Variants in BBS4 observed in about 807,000 individuals in gnomAD.
BBS4 encodes the protein Bardet-Biedl syndrome 4.
In BBS4, 58 loss-of-function variants were observed where a neutral mutation model predicts 71.4. That is an observed-to-expected ratio of 0.81 (90% CI 0.66 to 1.01). The LOEUF is 1.01. Ranked by LOEUF, BBS4 falls within the 50% of genes least tolerant of loss-of-function variation. BBS4 has a pLI of 0.00. For missense variants in BBS4, 660 were observed against 607.9 expected, an observed-to-expected ratio of 1.09 and a Z score of -0.90; for synonymous variants, 228 against 216.8, an observed-to-expected ratio of 1.05 and a Z score of -0.46.
chr15:72,697,488 A>G (rs1017958531), intron 2 of BBS4, among the ~76,000 whole-genome samples: 1 of 152,194 alleles, frequency 6.6e-6, no homozygotes, highest in Non-Finnish European at 1.5e-5. Context: ...TACCTGGTAG[A>G]TGACAGTAGC....
At chr15:72,729,538 C>T in intron 9 of BBS4, 78 bp from the exon 10 acceptor site, 1 of 1,381,392 alleles carries the variant, frequency 7.2e-7, no homozygotes, top group Middle Eastern at 1.8e-4. Flanking sequence ...GCATTAGCCA[C>T]CACGCCTGGT....
At position 72,686,233 on chromosome 15, in the gene BBS4, T is replaced by G; in HGVS notation, c.6T>G (p.Ala2=). 6.4e-7 allele frequency: 1 copy of G among 1,565,612 alleles called. No individual in the cohort carries two copies. The highest frequency in any genetic ancestry group is 8.7e-7 in the Non-Finnish European group (1 of 1,156,024). M[A]EERVATRTQF... ...CAGCGGTGGGCTGAGCTAAAATGGC[T>G]GAGGAGAGAGTCGCGACGGTGAGCG... is the stretch of plus-strand genomic sequence containing the variant. Residue 2 remains alanine, a synonymous_variant, in exon 1 of 16, where the codon GCT becomes GCG. Coordinates refer to ENST00000268057, the MANE Select transcript of BBS4 (RefSeq NM_033028.5).
chr15:72,686,449 G>T, intron 1 of BBS4, 198 bp downstream of exon 1: 1 of 1,532,780 alleles, frequency 6.5e-7, no homozygotes, highest in African/African-American at 1.4e-5. Flanking sequence ...TAGCAGCACA[G>T]GTCCTGTTCT....
intron 15 of BBS4, 66 bp downstream of exon 15, chr15:72,737,029 T>G: frequency 6.4e-7 from 1 of 1,553,268 alleles, no homozygotes; most frequent in South Asian, 1.1e-5. Flanking sequence ...TCAGCAGAGA[T>G]TATAGCTTTC....
intron 2 of BBS4, chr15:72,704,341 C>G (rs552291565): frequency 5.2e-5 from 42 of 806,866 alleles, no homozygotes; most frequent in South Asian, 5.0e-4. Context: ...CATTTACATG[C>G]TTATGTTTTG....
chr15:72,687,134 T>TTTTTTTTTTTTTTTTTTTA (rs60080079), intron 1 of BBS4, among the ~76,000 whole-genome samples: 3 of 140,478 alleles, frequency 2.1e-5, no homozygotes, highest in African/African-American at 7.8e-5. Context: ...CTTTTTTTTT[T>TTTTTTTTTTTTTTTTTTTA]GAGACGGAGT....
intron 12 of BBS4, among the ~76,000 whole-genome samples, chr15:72,732,631 TA>T (rs895282028): frequency 1.5e-4 from 22 of 149,264 alleles, no homozygotes; most frequent in South Asian, 6.4e-4. Context: ...AAGATAACTT[TA>T]AAAAAAAAAC....
At chr15:72,735,065 T>C in intron 12 of BBS4, 48 bp from the exon 13 acceptor site, 2 of 1,433,962 alleles carry the variant, frequency 1.4e-6, no homozygotes, top group Non-Finnish European at 2.0e-6. Flanking sequence ...AATACTCCTT[T>C]TGTCTTCTAA....
intron 3 of BBS4, among the ~76,000 whole-genome samples, chr15:72,710,079 T>A (rs1340769972): frequency 6.6e-6 from 1 of 152,150 alleles, no homozygotes; most frequent in Non-Finnish European, 1.5e-5. Context: ...ATGTGTCTTC[T>A]CATGTCAAGA....
At position 72,719,262 on chromosome 15, in the gene BBS4, A is replaced by ATTT. The variant is rs1437458213; in HGVS notation, c.405+2412_405+2413insTTT. On this transcript the variant is annotated intron_variant, in intron 6 of 15. Coordinates refer to ENST00000268057, the MANE Select transcript of BBS4 (RefSeq NM_033028.5). ...GATGCTAGCAGTTTTTTACTTTCTA[A>ATTT]ATTTTTTTTTTTTTTTTTAAGAGAC... is the stretch of plus-strand genomic sequence containing the variant. Among the ~76,000 whole-genome samples the ATTT allele has an allele frequency of 6.7e-3, 645 of 95,634 alleles. 7 individuals carry two copies. Among genetic ancestry groups the ATTT allele is most frequent in the African/African-American group, 0.019 (626 of 32,228 alleles). 62.7% of individuals were successfully genotyped at this position (95,634 alleles called of 152,430 possible).
At chr15:72,709,336 A>G (rs1218016457) in intron 2 of BBS4, among the ~76,000 whole-genome samples, 2 of 152,218 alleles carry the variant, frequency 1.3e-5, no homozygotes, top group Non-Finnish European at 2.9e-5. Flanking sequence ...ATATTTCCTT[A>G]GTGACATTCC....
intron 2 of BBS4, among the ~76,000 whole-genome samples, chr15:72,709,345 C>A (rs1482945265): frequency 2.0e-5 from 3 of 152,156 alleles, no homozygotes; most frequent in African/African-American, 7.2e-5. Context: ...TAGTGACATT[C>A]CTGCAATCTC....
chr15:72,736,209 GTGTC>G (rs1462274258), intron 14 of BBS4, among the ~76,000 whole-genome samples: 1 of 148,914 alleles, frequency 6.7e-6, no homozygotes, highest in Non-Finnish European at 1.5e-5. Context: ...GTTGAGGTCT[GTGTC>G]TGTCTGTAGC....
intron 1 of BBS4, among the ~76,000 whole-genome samples, chr15:72,688,330 C>T (rs920222238): frequency 2.0e-5 from 3 of 149,022 alleles, no homozygotes; most frequent in African/African-American, 4.9e-5. Context: ...AGTAGTGTTA[C>T]GTTTATAGTA....
intron 7 of BBS4, among the ~76,000 whole-genome samples, chr15:72,723,643 GA>G (rs763005785): frequency 3.3e-5 from 5 of 151,982 alleles, no homozygotes; most frequent in South Asian, 4.1e-4. Context: ...ACACTGGTGT[GA>G]AAAAAAATAT....
intron 8 of BBS4, among the ~76,000 whole-genome samples, chr15:72,727,297 C>G (rs1324605549): frequency 6.6e-6 from 1 of 152,060 alleles, no homozygotes; most frequent in Non-Finnish European, 1.5e-5. Context: ...CTCAGTGTTG[C>G]CTTGGTTTTG....
At chr15:72,707,326 C>T (rs1371768178) in intron 2 of BBS4, among the ~76,000 whole-genome samples, 1 of 151,534 alleles carries the variant, frequency 6.6e-6, no homozygotes, top group Non-Finnish European at 1.5e-5. Flanking sequence ...TGTCAGGATG[C>T]GCCACCACAC....
At position 72,736,897 on chromosome 15, in the gene BBS4, C is replaced by G; in HGVS notation, c.1384C>G (p.Leu462Val). Reference sequence around the variant, plus strand: ...CAAACCTGCCAGTTTCCAGCAGCCTCTGGGCTCTAATCAAGCTCTAGGACA... The same window carrying G: ...CAAACCTGCCAGTTTCCAGCAGCCTGTGGGCTCTAATCAAGCTCTAGGACA... ...TSKPASFQQPLGSNQALGQAM... is the reference protein window; with the variant it reads ...TSKPASFQQPVGSNQALGQAM... Residue 462 changes from leucine (L) to valine (V), a missense_variant, in exon 15 of 16, where the codon CTG becomes GTG. Leu to Val is a conservative substitution (Grantham distance 32, BLOSUM62 1). Coordinates refer to ENST00000268057, the MANE Select transcript of BBS4 (RefSeq NM_033028.5). The G allele has an allele frequency of 6.2e-7, 1 of 1,614,204 alleles. No homozygotes were observed. The highest frequency in any genetic ancestry group is 8.5e-7 in the Non-Finnish European group (1 of 1,180,034).
chr15:72,737,645 G>A lies in BBS4; in HGVS notation c.*58G>A. ...CTTGGGCGAGGATGTGCTGGATTAG[G>A]AAAGGTGACATGACACAGGCAGAGC... On this transcript the variant is annotated 3_prime_UTR_variant, in exon 16 of 16. Coordinates refer to ENST00000268057, the MANE Select transcript of BBS4 (RefSeq NM_033028.5). 7.3e-7 allele frequency: 1 copy of A among 1,367,004 alleles called. No individual in the cohort carries two copies. Among genetic ancestry groups the A allele is most frequent in the South Asian group, 1.2e-5 (1 of 80,254 alleles). 84.7% of individuals were successfully genotyped at this position (1,367,004 alleles called of 1,614,324 possible).
Sources: gnomAD v4.1 joint callset for allele counts (sites outside exome capture counted in the v4.1 genomes callset) on GRCh38, gnomAD v4.1.1 for gene constraint, MANE v1.5 for transcripts, NCBI Gene and HGNC (gene_info 2026-07-23, HGNC 2026-07-21) for gene names.